PRPF38A: variants seen among roughly 807,000 people sequenced by gnomAD.
PRPF38A encodes the protein pre-mRNA processing factor 38A.
PRPF38A carries 11 observed loss-of-function variants against 46.8 expected under a neutral mutation model. The ratio of observed to expected loss-of-function variants is 0.24; its 90% CI spans 0.15 to 0.39. PRPF38A has a LOEUF of 0.39. PRPF38A is among the 10% of genes least tolerant of loss of function. The probability of loss-of-function intolerance (pLI) is 1.00; values close to 1 mark genes in which losing one functional copy is unlikely to be tolerated. For missense variants in PRPF38A, 261 were observed against 407.5 expected, an observed-to-expected ratio of 0.64 and a Z score of 3.10; for synonymous variants, 124 against 136.2, an observed-to-expected ratio of 0.91 and a Z score of 0.62.
chr1:52,412,714 T>C (rs1447325970), intron 5 of PRPF38A, 90 bp downstream of exon 5: 1 of 846,280 alleles, frequency 1.2e-6, no homozygotes, highest in South Asian at 1.6e-5. Flanking sequence ...TTTTTAACTC[T>C]ATTGGCCGGG....
At chr1:52,414,672 A>G (rs1407289619) in intron 7 of PRPF38A, 25 bp downstream of exon 7, 3 of 1,614,034 alleles carry the variant, frequency 1.9e-6, no homozygotes, top group Non-Finnish European at 2.5e-6. Context: ...ATTTGTGATG[A>G]AGGATAGGGC....
In PRPF38A at chr1:52,418,898, TG is replaced by T. The variant is rs1441968129; in HGVS notation, c.*2210del. 1 of 152,262 alleles carries T rather than the reference TG, an allele frequency of 6.6e-6. No homozygotes were observed. The highest frequency in any genetic ancestry group is 6.5e-5 in the Admixed American group (1 of 15,280). The allele number at this position is 152,262 out of a possible 1,614,324, so 9.4% of individuals were successfully genotyped here. On this transcript the variant is annotated 3_prime_UTR_variant, in exon 10 of 10. Transcript: ENST00000257181. ...AATACTTACTATGCAAAGTGAATTC[TG>T]GTGTTTCCTACTTGTTAACAGTTTT...
At position 52,404,773 on chromosome 1, in the gene PRPF38A, T is replaced by G. The variant is rs1243934052; in HGVS notation, c.24T>G (p.Asp8Glu). 6.2e-7 allele frequency: 1 copy of G among 1,614,134 alleles called. No individual in the cohort carries two copies. The highest frequency in any genetic ancestry group is 1.1e-5 in the South Asian group (1 of 91,076). Reference protein sequence around the residue: MANRTVKDAHSIHGTNPQ... With the variant: MANRTVKEAHSIHGTNPQ... ...AAATGGCTAACCGTACAGTGAAGGA[T>G]GCGCACAGCATCCATGGCACCAACC... is the stretch of plus-strand genomic sequence containing the variant. Residue 8 changes from aspartate to glutamate, a missense_variant, in exon 1 of 10, where the codon GAT becomes GAG. Around this residue, in one of 2 missense-constraint regions of PRPF38A, gnomAD observed 81 missense variants for 186.5 expected, o/e 0.43. Transcript: ENST00000257181.
At position 52,413,986 on chromosome 1, in the gene PRPF38A, C is replaced by A; in HGVS notation, c.717C>A (p.Pro239=). 6.2e-7 allele frequency: 1 copy of A among 1,608,064 alleles called. No homozygotes were observed. The highest frequency in any genetic ancestry group is 8.5e-7 in the Non-Finnish European group (1 of 1,174,536). The change falls in exon 6 of 10, where the codon CCC becomes CCA. Residue 239 remains proline (P), a synonymous_variant. Transcript: ENST00000257181. The part of the protein sequence containing the change: ...LRYRRSRSRS[P]RRRSRSPKRR... ...ACAGGAGGAGTAGGAGCCGGTCTCC[C>A]AGAAGGTAAAGCCTAGTCATTGGCC...
In PRPF38A at chr1:52,405,672, T is replaced by G. The variant is rs747058072; in HGVS notation, c.131-8T>G. 1.3e-5 allele frequency: 21 copies of G among 1,612,322 alleles called. No individual in the cohort carries two copies. Among genetic ancestry groups the G allele is most frequent in the Non-Finnish European group, 1.7e-5 (20 of 1,179,808 alleles). On this transcript the variant is annotated splice_polypyrimidine_tract_variant and splice_region_variant and intron_variant, in intron 1 of 9. Transcript: ENST00000257181. Reference sequence around the variant, plus strand: ...CTAATATGTTACTGTATTGTTTTTGTTTTTTAGCTGAACTTGTAGTCGATA... The same window carrying G: ...CTAATATGTTACTGTATTGTTTTTGGTTTTTAGCTGAACTTGTAGTCGATA...
intron 1 of PRPF38A, among the ~76,000 whole-genome samples, chr1:52,405,290 C>T (rs1469553874): frequency 6.6e-6 from 1 of 152,170 alleles, no homozygotes; most frequent in East Asian, 1.9e-4. Flanking sequence ...TTATAAATAT[C>T]AGTGCTTCAG....
At chr1:52,408,091 AT>A (rs1648048783) in intron 2 of PRPF38A, among the ~76,000 whole-genome samples, 1 of 150,596 alleles carries the variant, frequency 6.6e-6, no homozygotes, top group Non-Finnish European at 1.5e-5. Flanking sequence ...AAATACAAAA[AT>A]TAGCTGGGCA....
Position 52,419,866 on chromosome 1 carries a change from C to G in PRPF38A, c.*3176C>G, listed in dbSNP as rs1166799983. On this transcript the variant is annotated 3_prime_UTR_variant, in exon 10 of 10. Coordinates refer to ENST00000257181, the MANE Select transcript of PRPF38A (RefSeq NM_032864.4). ...GAGATCGAGACCATCCAGGCTAACA[C>G]AGTGAAACCCGTCTCTACTAAAAAT... The G allele has an allele frequency of 6.6e-6, 1 of 152,160 alleles. No individual in the cohort carries two copies. Among genetic ancestry groups the G allele is most frequent in the Non-Finnish European group, 1.5e-5 (1 of 68,096 alleles). 9.4% of individuals were successfully genotyped at this position (152,160 alleles called of 1,614,324 possible).
Position 52,415,832 on chromosome 1 carries a change from C to CTTTTTT in PRPF38A, c.896+469_896+474dup, listed in dbSNP as rs71041898. Among the ~76,000 whole-genome samples, 25 of 51,610 alleles carry CTTTTTT rather than the reference C, an allele frequency of 4.8e-4. 6 individuals are homozygous for CTTTTTT. Among genetic ancestry groups the CTTTTTT allele is most frequent in the African/African-American group, 2.3e-3 (25 of 10,890 alleles). The allele number at this position is 51,610 out of a possible 152,430, so 33.9% of individuals were successfully genotyped here. On this transcript the variant is annotated intron_variant, in intron 9 of 9. Coordinates refer to ENST00000257181, the MANE Select transcript of PRPF38A (RefSeq NM_032864.4). ...TGTGCCATATACCGTTGGGTGCACTCTTTTTTTTTTTTTTTTTTTTTTTTT... is the reference window on the plus strand; with the variant it reads ...TGTGCCATATACCGTTGGGTGCACTCTTTTTTTTTTTTTTTTTTTTTTTTTTTTTTT...
At chr1:52,411,423 G>A (rs938440251) in intron 4 of PRPF38A, among the ~76,000 whole-genome samples, 1 of 152,184 alleles carries the variant, frequency 6.6e-6, no homozygotes, top group Non-Finnish European at 1.5e-5. Flanking sequence ...TTTAAAACAA[G>A]GAAACTTTGT....
At chr1:52,413,757 T>C in intron 5 of PRPF38A, 122 bp from the exon 6 acceptor site, 1 of 661,130 alleles carries the variant, frequency 1.5e-6, no homozygotes, top group Non-Finnish European at 2.7e-6. Context: ...GTCAGGTTAC[T>C]GTGCTTTAAA....
At chr1:52,405,910 AG>A in intron 2 of PRPF38A, 71 bp downstream of exon 2, 2 of 1,281,752 alleles carry the variant, frequency 1.6e-6, no homozygotes, top group South Asian at 1.2e-5. Context: ...TTTGGTTAAG[AG>A]GGGTGTACAC....
chr1:52,415,145 T>C (rs1648253383), intron 8 of PRPF38A, among the ~76,000 whole-genome samples, 193 bp from the exon 9 acceptor site: 1 of 152,230 alleles, frequency 6.6e-6, no homozygotes, highest in Non-Finnish European at 1.5e-5. Context: ...AATGTATATG[T>C]ATTTGAACTG....
chr1:52,408,526 A>G (rs1423885279), intron 2 of PRPF38A, 43 bp from the exon 3 acceptor site: 1 of 1,613,262 alleles, frequency 6.2e-7, no homozygotes, highest in Admixed American at 1.7e-5. Context: ...AAACTCAGGA[A>G]CTTCTAGGAT....
intron 2 of PRPF38A, 130 bp downstream of exon 2, chr1:52,405,969 G>T: frequency 1.3e-6 from 1 of 744,904 alleles, no homozygotes; most frequent in Middle Eastern, 3.1e-4. Context: ...TTGCTTTTGA[G>T]CCCTTGAGTT....
chr1:52,418,210 T>C lies in PRPF38A; in HGVS notation c.*1520T>C, dbSNP rs1648344007. ...GCTTTCATATTCTTCAATGGTTCCT[T>C]TCGTAATACCTGAGTTAATAAAAGT... On this transcript the variant is annotated 3_prime_UTR_variant, in exon 10 of 10. Coordinates refer to ENST00000257181, the MANE Select transcript of PRPF38A (RefSeq NM_032864.4). The C allele has an allele frequency of 6.6e-6, 1 of 152,658 alleles. No individual in the cohort carries two copies. Among genetic ancestry groups the C allele is most frequent in the Non-Finnish European group, 1.5e-5 (1 of 68,038 alleles). 9.5% of individuals were successfully genotyped at this position (152,658 alleles called of 1,614,324 possible).
At chr1:52,411,321 A>C in intron 4 of PRPF38A, 121 bp downstream of exon 4, 1 of 659,864 alleles carries the variant, frequency 1.5e-6, no homozygotes, top group Non-Finnish European at 2.6e-6. Context: ...CTTAATGAAT[A>C]GTCTTCCTGT....
intron 2 of PRPF38A, among the ~76,000 whole-genome samples, chr1:52,408,114 G>T (rs182963162): frequency 2.9e-3 from 444 of 150,906 alleles, no homozygotes; most frequent in Non-Finnish European, 4.9e-3. Flanking sequence ...GGTGGCGGGC[G>T]CCTGTAATCC....
chr1:52,412,464 G>C (rs1648171836), intron 4 of PRPF38A, 50 bp from the exon 5 acceptor site: 1 of 1,368,870 alleles, frequency 7.3e-7, no homozygotes, highest in African/African-American at 1.4e-5. Flanking sequence ...GAGGTTTCAA[G>C]AAATAGGGGA....
Sources: gnomAD v4.1 joint callset for allele counts (sites outside exome capture counted in the v4.1 genomes callset) on GRCh38, gnomAD v4.1.1 for gene constraint, gnomAD v4.1.1 regional missense constraint, MANE v1.5 for transcripts, NCBI Gene and HGNC (gene_info 2026-07-23, HGNC 2026-07-21) for gene names.